The following SDCCAG8 variants were observed in gnomAD, a reference collection of about 807,000 sequenced individuals.
SDCCAG8 encodes SHH signaling and ciliogenesis regulator SDCCAG8, also known as serologically defined colon cancer antigen 8.
A neutral mutation model predicts 101.8 loss-of-function variants in SDCCAG8; 74 were observed. The observed-to-expected ratio is 0.73, with a 90% confidence interval of 0.60 to 0.88. The LOEUF is 0.88. Ranked by LOEUF, SDCCAG8 falls within the 40% of genes least tolerant of loss-of-function variation. SDCCAG8 has a pLI of 0.00. For missense variants in SDCCAG8, 787 were observed against 822.6 expected (o/e 0.96, Z 0.53); for synonymous variants, 281 against 292.9 (o/e 0.96, Z 0.41).
chr1:243,270,329 C>T, intron 2 of SDCCAG8, 72 bp downstream of exon 2: 1 of 1,317,276 alleles, frequency 7.6e-7, no homozygotes, highest in Non-Finnish European at 1.1e-6. Flanking sequence ...ATAATAACTC[C>T]ATTCATTCTT....
At chr1:243,481,489 A>G (rs905659217) in intron 16 of SDCCAG8, among the ~76,000 whole-genome samples, 7 of 152,234 alleles carry the variant, frequency 4.6e-5, no homozygotes, top group African/African-American at 9.6e-5. Context: ...AATGCTTACA[A>G]TGTTGGGCAT....
intron 10 of SDCCAG8, chr1:243,338,787 T>G (rs1209213217): frequency 6.6e-6 from 1 of 152,566 alleles, no homozygotes; most frequent in Non-Finnish European, 1.5e-5. Flanking sequence ...CTGGGTGTCC[T>G]TGTCTCTTCC....
intron 10 of SDCCAG8, 120 bp from the exon 11 acceptor site, chr1:243,340,919 C>G: frequency 1.0e-6 from 1 of 1,001,876 alleles, no homozygotes; most frequent in Non-Finnish European, 1.6e-6. Context: ...CATACCCAAT[C>G]CACAGAGAAA....
intron 12 of SDCCAG8, among the ~76,000 whole-genome samples, chr1:243,374,640 C>T (rs566758505): frequency 5.9e-5 from 9 of 152,088 alleles, no homozygotes; most frequent in East Asian, 3.9e-4. Context: ...TTCAGGCAGG[C>T]GAATACTCGA....
At position 243,296,494 on chromosome 1, in the gene SDCCAG8, T is replaced by C. The variant is rs543396239; in HGVS notation, c.675+3275T>C. On this transcript the variant is annotated intron_variant, in intron 6 of 17. Transcript: ENST00000366541. ...ACCTCCTATTCTTGCTTCAGTATGC[T>C]TCAGTTGAGCTTCGTCCCCCTGTAG... Among the ~76,000 whole-genome samples, 27 of 151,268 alleles carry C rather than the reference T, an allele frequency of 1.8e-4. 1 individual carries two copies. The East Asian group carries it at 5.0e-3, about 28-fold the overall frequency.
At chr1:243,261,605 G>T (rs2067197513) in intron 1 of SDCCAG8, among the ~76,000 whole-genome samples, 1 of 152,194 alleles carries the variant, frequency 6.6e-6, no homozygotes, top group African/African-American at 2.4e-5. Flanking sequence ...TTTGGTCAGT[G>T]TATTAGCCAG....
rs904834712 is a variant in SDCCAG8 at position 243,472,866 on chromosome 1, A to C, written c.1986-16148A>C. 7.9e-5 allele frequency among the ~76,000 whole-genome samples: 12 copies of C among 152,360 alleles called. 1 individual carries two copies. Among genetic ancestry groups the C allele is most frequent in the African/African-American group, 2.9e-4 (12 of 41,586 alleles). ...ACAAGGTCATCTGAAAATCACTTGAAGATTGTTACCAAATTCCTTCATAAA... is the reference window on the plus strand; with the variant it reads ...ACAAGGTCATCTGAAAATCACTTGACGATTGTTACCAAATTCCTTCATAAA... On this transcript the variant is annotated intron_variant, in intron 16 of 17. Coordinates refer to ENST00000366541, the MANE Select transcript of SDCCAG8 (RefSeq NM_006642.5).
chr1:243,431,183 C>G (rs533192973), intron 16 of SDCCAG8, among the ~76,000 whole-genome samples: 3 of 152,074 alleles, frequency 2.0e-5, no homozygotes, highest in Non-Finnish European at 2.9e-5. Flanking sequence ...GGTGATAGAG[C>G]GAGACTTTGT....
At chr1:243,483,585 C>T (rs1353017477) in intron 16 of SDCCAG8, among the ~76,000 whole-genome samples, 2 of 152,204 alleles carry the variant, frequency 1.3e-5, no homozygotes, top group South Asian at 2.1e-4. Context: ...GCGACCTCCC[C>T]GCCAGCCCAG....
chr1:243,369,707 G>A (rs2077181641), intron 12 of SDCCAG8, among the ~76,000 whole-genome samples: 1 of 152,106 alleles, frequency 6.6e-6, no homozygotes, highest in African/African-American at 2.4e-5. Flanking sequence ...TTCTGAAGTG[G>A]TAGGTTTTTA....
At chr1:243,425,101 T>G (rs2081253896) in intron 15 of SDCCAG8, among the ~76,000 whole-genome samples, 1 of 152,222 alleles carries the variant, frequency 6.6e-6, no homozygotes, top group East Asian at 1.9e-4. Flanking sequence ...ATGGGTAGAT[T>G]CTTATTAGGA....
intron 16 of SDCCAG8, among the ~76,000 whole-genome samples, chr1:243,428,743 T>A (rs1479273472): frequency 6.6e-6 from 1 of 152,194 alleles, no homozygotes; most frequent in East Asian, 1.9e-4. Context: ...CATCTGCAAT[T>A]GAGAGAAATG....
intron 12 of SDCCAG8, among the ~76,000 whole-genome samples, chr1:243,356,475 C>G (rs1304822052): frequency 6.6e-6 from 1 of 151,394 alleles, no homozygotes; most frequent in African/African-American, 2.4e-5. Flanking sequence ...TAGAGGAAGA[C>G]ATTCTAAAGG....
chr1:243,486,413 G>C (rs1664846147), intron 16 of SDCCAG8, among the ~76,000 whole-genome samples: 1 of 152,106 alleles, frequency 6.6e-6, no homozygotes, highest in Non-Finnish European at 1.5e-5. Context: ...CTGCTGTCTT[G>C]TGGGGCTCAC....
chr1:243,500,086 T>TAA lies in SDCCAG8; in HGVS notation c.*303_*304dup, dbSNP rs1034870359. On this transcript the variant is annotated 3_prime_UTR_variant, in exon 18 of 18. Transcript: ENST00000366541. The stretch of plus-strand genomic sequence containing the variant: ...TATGATTTTCAATAAATGAACTTTT[T>TAA]AAAGACTTGAGTTGTAATGTTTCCT... The TAA allele has an allele frequency of 1.2e-5, 5 of 418,872 alleles. No individual in the cohort carries two copies. The highest frequency in any genetic ancestry group is 9.8e-5 in the African/African-American group (5 of 51,070). 25.9% of individuals were successfully genotyped at this position (418,872 alleles called of 1,614,324 possible). A position where few individuals can be genotyped will look rare whatever the true frequency, so the allele number is the denominator to read the frequency against.
intron 16 of SDCCAG8, among the ~76,000 whole-genome samples, chr1:243,448,765 A>C (rs2083128248): frequency 6.6e-6 from 1 of 152,238 alleles, no homozygotes; most frequent in Admixed American, 6.5e-5. Context: ...TAAGGACAGA[A>C]ACCATACTCT....
At chr1:243,267,829 C>A (rs144451356) in intron 1 of SDCCAG8, 1 of 922,406 alleles carries the variant, frequency 1.1e-6, no homozygotes. Flanking sequence ...AAGGGATACA[C>A]TTGACATGCA....
At chr1:243,432,234 A>G (rs999377900) in intron 16 of SDCCAG8, among the ~76,000 whole-genome samples, 1 of 152,250 alleles carries the variant, frequency 6.6e-6, no homozygotes, top group African/African-American at 2.4e-5. Flanking sequence ...CTTTGCAGGA[A>G]CATGAATGGA....
intron 6 of SDCCAG8, among the ~76,000 whole-genome samples, chr1:243,295,896 G>C (rs1486979540): frequency 6.6e-6 from 1 of 152,086 alleles, no homozygotes; most frequent in Admixed American, 6.5e-5. Context: ...TTCTGCATTT[G>C]TGTGCTCTAC....
Sources: gnomAD v4.1 joint callset for allele counts (sites outside exome capture counted in the v4.1 genomes callset) on GRCh38, gnomAD v4.1.1 for gene constraint, MANE v1.5 for transcripts, NCBI Gene and HGNC (gene_info 2026-07-23, HGNC 2026-07-21) for gene names.